The following TENT4A variants were observed in gnomAD, a reference collection of about 807,000 sequenced individuals.
TENT4A encodes the protein DNA polymerase kappa.
Under a neutral mutation model 72.8 loss-of-function variants are expected in TENT4A, and 7 were observed. The ratio of observed to expected loss-of-function variants is 0.10; its 90% confidence interval spans 0.05 to 0.18. The LOEUF (loss-of-function observed/expected upper bound fraction) is 0.18, where lower values mean the gene tolerates loss of function less well. TENT4A is among the 10% of genes least tolerant of loss of function. TENT4A has a pLI of 1.00. For missense variants in TENT4A, 831 were observed against 1,017.7 expected (o/e 0.82, Z 2.50); for synonymous variants, 456 against 434.3 (o/e 1.05, Z -0.62).
At chr5:6,749,696 G>C (rs1340525579) in intron 9 of TENT4A, 39 bp downstream of exon 9, 1 of 1,327,788 alleles carries the variant, frequency 7.5e-7, no homozygotes, top group Non-Finnish European at 1.1e-6. Flanking sequence ...CTAACCACTG[G>C]CTGGCATGTT....
chr5:6,745,883 A>G, intron 6 of TENT4A: 1 of 442,536 alleles, frequency 2.3e-6, no homozygotes, highest in Non-Finnish European at 3.6e-6. Flanking sequence ...TACATCTACC[A>G]TCCAGGTGAC....
chr5:6,739,603 G>C (rs527434287), intron 3 of TENT4A, 129 bp from the exon 4 acceptor site: 345 of 1,094,430 alleles, frequency 3.2e-4, no homozygotes, highest in Non-Finnish European at 4.4e-4. Flanking sequence ...AGGGGCCATA[G>C]GCTAGTGGGA....
intron 1 of TENT4A, among the ~76,000 whole-genome samples, chr5:6,724,663 C>T (rs1265475820): frequency 2.6e-5 from 4 of 152,140 alleles, no homozygotes; most frequent in African/African-American, 7.2e-5. Flanking sequence ...GAGTAAAAAG[C>T]GCGTTTTAGG....
intron 5 of TENT4A, 95 bp from the exon 6 acceptor site, chr5:6,743,617 G>T: frequency 9.6e-7 from 1 of 1,037,116 alleles, no homozygotes. Context: ...GAGGATCGAG[G>T]AAACTTTCCT....
chr5:6,724,160 G>A (rs751458134), intron 1 of TENT4A, among the ~76,000 whole-genome samples: 5 of 152,220 alleles, frequency 3.3e-5, no homozygotes, highest in African/African-American at 1.2e-4. Context: ...AAAGGCACTG[G>A]TGCCCAGATG....
In TENT4A at chr5:6,752,994, C is replaced by T. The variant is rs1450507856; in HGVS notation, c.2141C>T (p.Ser714Leu). 2.5e-6 allele frequency: 4 copies of T among 1,614,202 alleles called. No individual in the cohort carries two copies. The highest frequency in any genetic ancestry group is 3.4e-6 in the Non-Finnish European group (4 of 1,180,034). ...CACATGTCTTCCCCGGCCATTCCCT[C>T]AGCGTCCCCCAACCCGCTCTCGAGC... ...VHHMSSPAIP[S>L]ASPNPLSSPH... Residue 714 changes from serine (S) to leucine (L), a missense_variant, in exon 12 of 13, where the codon TCA (serine) becomes TTA (leucine). By Grantham distance (145) the Ser-to-Leu change is moderately radical. Coordinates refer to ENST00000230859, the MANE Select transcript of TENT4A (RefSeq NM_006999.6).
At chr5:6,716,759 G>A (rs1438495708) in intron 1 of TENT4A, among the ~76,000 whole-genome samples, 1 of 152,240 alleles carries the variant, frequency 6.6e-6, no homozygotes, top group African/African-American at 2.4e-5. Flanking sequence ...TAGCTGTAAG[G>A]CAGTATGGTG....
chr5:6,715,835 T>C (rs1740354271), intron 1 of TENT4A, among the ~76,000 whole-genome samples: 1 of 152,230 alleles, frequency 6.6e-6, no homozygotes. Context: ...CGATACCTTC[T>C]AAATTTCCCG....
intron 10 of TENT4A, 170 bp downstream of exon 10, chr5:6,750,673 T>G: frequency 1.7e-6 from 1 of 604,870 alleles, no homozygotes; most frequent in Non-Finnish European, 2.8e-6. Flanking sequence ...CAGGCTTCCT[T>G]TCCCCTGCCG....
chr5:6,737,442 A>C (rs1198766676), intron 1 of TENT4A, 68 bp from the exon 2 acceptor site: 1 of 1,396,996 alleles, frequency 7.2e-7, no homozygotes, highest in African/African-American at 1.4e-5. Context: ...ATCCTGATGT[A>C]AGAACAGAAC....
At chr5:6,749,076 A>AC (rs1259843399) in intron 8 of TENT4A, among the ~76,000 whole-genome samples, 1 of 152,190 alleles carries the variant, frequency 6.6e-6, no homozygotes, top group African/African-American at 2.4e-5. Context: ...ACAGTTTGAT[A>AC]GATCTGTTCT....
chr5:6,728,780 C>T (rs925967542), intron 1 of TENT4A, among the ~76,000 whole-genome samples: 1 of 152,162 alleles, frequency 6.6e-6, no homozygotes, highest in African/African-American at 2.4e-5. Flanking sequence ...TTGACCCTTG[C>T]AGTATGAATT....
intron 1 of TENT4A, 97 bp downstream of exon 1, chr5:6,714,796 G>A: frequency 2.0e-6 from 1 of 504,446 alleles, no homozygotes; most frequent in Non-Finnish European, 2.9e-6. Flanking sequence ...CGGGCTTTTG[G>A]AGGATGGATG....
chr5:6,740,318 CTTTTA>C (rs1464402069), intron 4 of TENT4A, among the ~76,000 whole-genome samples: 3 of 152,120 alleles, frequency 2.0e-5, no homozygotes, highest in Admixed American at 2.0e-4. Flanking sequence ...TATGAAAAGC[CTTTTA>C]TCTTTGGGGG....
intron 6 of TENT4A, among the ~76,000 whole-genome samples, chr5:6,744,112 C>G (rs530025130): frequency 6.6e-6 from 1 of 152,146 alleles, no homozygotes; most frequent in Non-Finnish European, 1.5e-5. Flanking sequence ...AGGGAATTCT[C>G]TGTATTCAGA....
chr5:6,727,903 C>T (rs538666000), intron 1 of TENT4A, among the ~76,000 whole-genome samples: 28 of 152,304 alleles, frequency 1.8e-4, no homozygotes, highest in African/African-American at 6.0e-4. Flanking sequence ...CTGCAGACCA[C>T]GAATCCCATC....
At chr5:6,723,588 T>C (rs1339028844) in intron 1 of TENT4A, among the ~76,000 whole-genome samples, 2 of 152,256 alleles carry the variant, frequency 1.3e-5, no homozygotes, top group African/African-American at 4.8e-5. Flanking sequence ...CTGGGCACTT[T>C]ACTCCTAACA....
At position 6,752,931 on chromosome 5, in the gene TENT4A, CTGGT is replaced by C; in HGVS notation, c.2079_2082del (p.Gly694Ter). 6.2e-7 allele frequency: 1 copy of C among 1,614,192 alleles called. No individual in the cohort carries two copies. Among genetic ancestry groups the C allele is most frequent in the Non-Finnish European group, 8.5e-7 (1 of 1,180,024 alleles). On this transcript the variant is annotated frameshift_variant, in exon 12 of 13. Transcript: ENST00000230859. LOFTEE classifies it high-confidence loss of function. ...GTTGCTCCTGTTCCTTGCAGACAAG[CTGGT>C]GTAGAAGGAACTGCGTCTTTGAAAG...
At chr5:6,738,803 T>C in intron 3 of TENT4A, 74 bp downstream of exon 3, 1 of 1,090,902 alleles carries the variant, frequency 9.2e-7, no homozygotes. Context: ...GGGCTACAAA[T>C]AGATTCTTTG....
Sources: gnomAD v4.1 joint callset for allele counts (sites outside exome capture counted in the v4.1 genomes callset) on GRCh38, gnomAD v4.1.1 for gene constraint, MANE v1.5 for transcripts, NCBI Gene and HGNC (gene_info 2026-07-23, HGNC 2026-07-21) for gene names.